WDR59: variants seen among roughly 807,000 people sequenced by gnomAD.
The protein encoded by WDR59 is GATOR2 complex protein WDR59.
Under a neutral mutation model 131.2 loss-of-function variants are expected in WDR59, and 100 were observed. The observed-to-expected ratio is 0.76, with a 90% CI of 0.65 to 0.90. The LOEUF (loss-of-function observed/expected upper bound fraction) is 0.90, where lower values mean the gene tolerates loss of function less well. Ranked by LOEUF, WDR59 falls within the 40% of genes least tolerant of loss-of-function variation. WDR59 has a pLI of 0.00. For synonymous variants in WDR59, 601 were observed against 466.2 expected, an observed-to-expected ratio of 1.29 and a Z score of -3.72; for missense variants, 1,203 against 1,262.2, an observed-to-expected ratio of 0.95 and a Z score of 0.71.
intron 18 of WDR59, among the ~76,000 whole-genome samples, chr16:74,901,456 CGG>C (rs1675785392): frequency 1.3e-5 from 2 of 151,870 alleles, no homozygotes; most frequent in Admixed American, 1.3e-4. Flanking sequence ...GGCAACATAG[CGG>C]GACCCCAGCT....
intron 1 of WDR59, among the ~76,000 whole-genome samples, chr16:74,972,821 TAAAAAAAAAAA>T (rs57885889): frequency 0.025 from 1,352 of 55,102 alleles, 50 homozygotes; most frequent in African/African-American, 0.068. Context: ...GACTCTGTCT[TAAAAAAAAAAA>T]AAAAAAAAAA....
intron 8 of WDR59, among the ~76,000 whole-genome samples, chr16:74,933,423 C>A (rs1421151111): frequency 6.6e-6 from 1 of 152,098 alleles, no homozygotes; most frequent in Non-Finnish European, 1.5e-5. Context: ...AGCAGAGATT[C>A]ACCAAAATAC....
At chr16:74,928,636 T>C (rs2031096289) in intron 8 of WDR59, among the ~76,000 whole-genome samples, 1 of 152,150 alleles carries the variant, frequency 6.6e-6, no homozygotes, top group South Asian at 2.1e-4. Context: ...GTGCACTGGC[T>C]CATGCCTGTA....
chr16:74,889,727 A>G lies in WDR59; in HGVS notation c.2171T>C (p.Phe724Ser), dbSNP rs150025235. ...CAGGGACTCCAGCAGCTGCCGCCCAAATGGATGTCGAGCCCAGGGTGTTTC... is the reference window on the plus strand; with the variant it reads ...CAGGGACTCCAGCAGCTGCCGCCCAGATGGATGTCGAGCCCAGGGTGTTTC... ...DLETPWARHP[F>S]GRQLLESLLA... is the part of the protein sequence containing the mutation. Residue 724 changes from phenylalanine to serine, a missense_variant, in exon 21 of 26, where the codon TTT becomes TCT. By Grantham distance (155) the Phe-to-Ser change is radical. Coordinates refer to ENST00000262144, the MANE Select transcript of WDR59 (RefSeq NM_030581.4). 183 of 1,613,972 alleles carry G rather than the reference A, an allele frequency of 1.1e-4. No individual in the cohort carries two copies. The highest frequency in any genetic ancestry group is 5.9e-6 in the Non-Finnish European group (7 of 1,179,998).
intron 6 of WDR59, 113 bp from the exon 7 acceptor site, chr16:74,942,939 T>G (rs2032344379): frequency 2.2e-6 from 2 of 897,778 alleles, no homozygotes; most frequent in Non-Finnish European, 3.4e-6. Context: ...CCCAGAACCC[T>G]TCAAGTTTCT....
At chr16:74,964,920 T>C (rs1567437502) in intron 2 of WDR59, among the ~76,000 whole-genome samples, 1 of 151,952 alleles carries the variant, frequency 6.6e-6, no homozygotes, top group Admixed American at 6.6e-5. Flanking sequence ...AAAAATGAGC[T>C]GGGCGTGGTG....
At chr16:74,953,474 A>G (rs1300084342) in intron 3 of WDR59, among the ~76,000 whole-genome samples, 3 of 69,774 alleles carry the variant, frequency 4.3e-5, no homozygotes, top group African/African-American at 1.0e-4. Context: ...CTCCGTCTCA[A>G]AAAAAAAAAA....
chr16:74,881,513 G>T (rs1214975979), intron 25 of WDR59, among the ~76,000 whole-genome samples: 1 of 152,032 alleles, frequency 6.6e-6, no homozygotes, highest in Non-Finnish European at 1.5e-5. Context: ...TTCAATACCT[G>T]CTGTGTCCTG....
chr16:74,917,236 A>G (rs1000953425), intron 11 of WDR59, among the ~76,000 whole-genome samples: 1 of 152,200 alleles, frequency 6.6e-6, no homozygotes, highest in Non-Finnish European at 1.5e-5. Flanking sequence ...AAAATTACAA[A>G]CAGCTTCATA....
intron 7 of WDR59, among the ~76,000 whole-genome samples, chr16:74,938,820 G>A (rs1053140711): frequency 2.6e-4 from 39 of 151,894 alleles, no homozygotes; most frequent in Admixed American, 2.2e-3. Flanking sequence ...TTACAGGCAC[G>A]ATCCACTGTG....
Position 74,912,251 on chromosome 16 carries a change from G to A in WDR59, c.1336C>T (p.Gln446Ter). 1 of 1,614,168 alleles carries A rather than the reference G, an allele frequency of 6.2e-7. No individual in the cohort carries two copies. Among genetic ancestry groups the A allele is most frequent in the African/African-American group, 1.3e-5 (1 of 75,042 alleles). Reference sequence around the variant, plus strand: ...GTGATGGTTGTGGGGTTAATAAACTGGAAGGAAGGGGCGGCGTTGTTTGGG... The same window carrying A: ...GTGATGGTTGTGGGGTTAATAAACTAGAAGGAAGGGGCGGCGTTGTTTGGG... ...QYPNNAAPSF[Q>*]FINPTTITST... The change falls in exon 14 of 26, where the codon CAG becomes TAG. Residue 446 changes from glutamine to a stop codon, truncating the protein, a stop_gained. Transcript: ENST00000262144. LOFTEE classifies it high-confidence loss of function.
At chr16:74,888,015 G>C (rs1486795337) in intron 22 of WDR59, among the ~76,000 whole-genome samples, 154 bp downstream of exon 22, 1 of 151,664 alleles carries the variant, frequency 6.6e-6, no homozygotes, top group African/African-American at 2.4e-5. Context: ...CTATTCAGGA[G>C]GCTGAGGCAC....
At position 74,932,187 on chromosome 16, in the gene WDR59, G is replaced by A. The variant is rs571195150; in HGVS notation, c.651+5963C>T. The stretch of plus-strand genomic sequence containing the variant: ...CAGCTCATTGCAGCCTCAAACTCCT[G>A]GGCTCAAGCAATCCTCCTGCCTTAG... On this transcript the variant is annotated intron_variant, in intron 8 of 25. Coordinates refer to ENST00000262144, the MANE Select transcript of WDR59 (RefSeq NM_030581.4). 2.7e-5 allele frequency among the ~76,000 whole-genome samples: 4 copies of A among 148,918 alleles called. No individual in the cohort carries two copies. The South Asian group carries it at 8.7e-4, about 32-fold the overall frequency.
At chr16:74,984,780 C>G (rs1007877097) in intron 1 of WDR59, 184 bp downstream of exon 1, 1 of 767,684 alleles carries the variant, frequency 1.3e-6, no homozygotes, top group African/African-American at 1.8e-5. Context: ...ATGCTCGCCC[C>G]GATTGCCCCC....
intron 10 of WDR59, among the ~76,000 whole-genome samples, chr16:74,919,581 G>A (rs1485777795): frequency 1.3e-5 from 2 of 151,876 alleles, no homozygotes; most frequent in East Asian, 1.9e-4. Context: ...GGCCTCAAGT[G>A]ATCAACCTGC....
chr16:74,874,059 C>A lies in WDR59; in HGVS notation c.*150G>T. 1.5e-6 allele frequency: 1 copy of A among 656,858 alleles called. No homozygotes were observed. Among genetic ancestry groups the A allele is most frequent in the African/African-American group, 1.8e-5 (1 of 55,044 alleles). 40.7% of individuals were successfully genotyped at this position (656,858 alleles called of 1,614,324 possible). A position where few individuals can be genotyped will look rare whatever the true frequency, so the allele number is the denominator to read the frequency against. On this transcript the variant is annotated 3_prime_UTR_variant, in exon 26 of 26. Coordinates refer to ENST00000262144, the MANE Select transcript of WDR59 (RefSeq NM_030581.4). ...AACAGAAGAGAAGGCAGAGGCCCACCAAGAGCTGATGCTGCGCAGTCCTTG... is the reference window on the plus strand; with the variant it reads ...AACAGAAGAGAAGGCAGAGGCCCACAAAGAGCTGATGCTGCGCAGTCCTTG...
intron 2 of WDR59, among the ~76,000 whole-genome samples, chr16:74,957,601 G>C (rs369900433): frequency 6.5e-4 from 99 of 152,242 alleles, no homozygotes; most frequent in African/African-American, 2.1e-3. Flanking sequence ...AATAACATAT[G>C]AAGTGCCAGT....
At chr16:74,959,126 G>A (rs956952185) in intron 2 of WDR59, among the ~76,000 whole-genome samples, 8 of 152,214 alleles carry the variant, frequency 5.3e-5, no homozygotes, top group African/African-American at 1.9e-4. Context: ...TCAGTGGAGA[G>A]TGGGTGCTAT....
At chr16:74,905,674 T>C (rs1023191985) in intron 17 of WDR59, among the ~76,000 whole-genome samples, 1 of 151,442 alleles carries the variant, frequency 6.6e-6, no homozygotes, top group African/African-American at 2.4e-5. Flanking sequence ...AGAGCGAGAT[T>C]CTGACTCAAA....
Sources: gnomAD v4.1 joint callset for allele counts (sites outside exome capture counted in the v4.1 genomes callset) on GRCh38, gnomAD v4.1.1 for gene constraint, MANE v1.5 for transcripts, NCBI Gene and HGNC (gene_info 2026-07-23, HGNC 2026-07-21) for gene names.